PUS1: variants seen among roughly 807,000 people sequenced by gnomAD.
The protein encoded by PUS1 is pseudouridine synthase 1.
In PUS1, 25 loss-of-function variants were observed where a neutral mutation model predicts 38.5. The observed-to-expected ratio is 0.65, with a 90% confidence interval of 0.47 to 0.91. The LOEUF is 0.91. Ranked by LOEUF, PUS1 falls within the 40% of genes least tolerant of loss-of-function variation. The pLI is 0.00. For missense variants in PUS1, 597 were observed against 612.3 expected (o/e 0.97, Z 0.26); for synonymous variants, 282 against 260.4 (o/e 1.08, Z -0.80).
chr12:131,930,206 G>A, intron 2 of PUS1, 71 bp downstream of exon 2: 1 of 1,129,140 alleles, frequency 8.9e-7, no homozygotes, highest in Non-Finnish European at 1.2e-6. Context: ...GAAGCGGTGG[G>A]TCCGGCTGGG....
At chr12:131,930,208 C>T (rs1041251631) in intron 2 of PUS1, 73 bp downstream of exon 2, 6 of 1,127,092 alleles carry the variant, frequency 5.3e-6, no homozygotes, top group Non-Finnish European at 7.0e-6. Flanking sequence ...AGCGGTGGGT[C>T]CGGCTGGGTT....
In PUS1 at chr12:131,943,925, T is replaced by C. The variant is rs1283441305; in HGVS notation, c.*339T>C. On this transcript the variant is annotated 3_prime_UTR_variant, in exon 6 of 6. Transcript: ENST00000376649. ...TTCGTCCACAGAGATGAGCACAGCA[T>C]GGTGTCCCGTTGAGAACAGATACGG... The C allele has an allele frequency of 2.9e-6, 1 of 350,134 alleles. No individual in the cohort carries two copies. The highest frequency in any genetic ancestry group is 2.1e-5 in the African/African-American group (1 of 46,848). 21.7% of individuals were successfully genotyped at this position (350,134 alleles called of 1,614,324 possible).
At position 131,929,887 on chromosome 12, in the gene PUS1, C is replaced by T. The variant is rs557913555; in HGVS notation, c.75-20C>T. 4.3e-4 allele frequency: 627 copies of T among 1,463,666 alleles called. 3 individuals are homozygous for T. In the African/African-American group the frequency reaches 5.7e-3, roughly 13 times the overall value. The allele number at this position is 1,463,666 out of a possible 1,614,324, so 90.7% of individuals were successfully genotyped here. A position where few individuals can be genotyped will look rare whatever the true frequency, so the allele number is the denominator to read the frequency against. ...GCGCGGTGCCGAGCGGGCCCCCGCT[C>T]ACGCCGCCCTTCTCCGCAGCTCGCC... On this transcript the variant is annotated intron_variant, in intron 1 of 5. Transcript: ENST00000376649.
At chr12:131,932,523 G>A in intron 3 of PUS1, 2 of 611,834 alleles carry the variant, frequency 3.3e-6, no homozygotes, top group African/African-American at 1.8e-5. Flanking sequence ...GGGACTCTGT[G>A]TTCTCTCTGG....
chr12:131,943,514 T>G (rs763146666), intron 5 of PUS1, 25 bp from the exon 6 acceptor site: 2 of 1,606,588 alleles, frequency 1.2e-6, no homozygotes, highest in Non-Finnish European at 8.5e-7. Context: ...TTGCCTCTTA[T>G]TCTCCATGTG....
chr12:131,932,127 G>A (rs374471596), intron 2 of PUS1, 48 bp from the exon 3 acceptor site: 45 of 1,572,684 alleles, frequency 2.9e-5, no homozygotes, highest in Admixed American at 3.5e-5. Flanking sequence ...ACATCATGGC[G>A]ACCTCTGTCT....
At position 131,930,049 on chromosome 12, in the gene PUS1, G is replaced by A. The variant is rs753915002; in HGVS notation, c.217G>A (p.Gly73Ser). 6 of 1,448,984 alleles carry A rather than the reference G, an allele frequency of 4.1e-6. No homozygotes were observed. In the South Asian group the frequency reaches 9.1e-5, roughly 22 times the overall value. 89.8% of individuals were successfully genotyped at this position (1,448,984 alleles called of 1,614,324 possible). ...TCCGGCGAAGAAGCTCAAGAGCGGT[G>A]GCGACGAGGAGCGGCGCGAGAAGCC... The part of the protein sequence containing the change: ...EHPAKKLKSG[G>S]DEERREKPPK... Residue 73 changes from glycine to serine, a missense_variant, in exon 2 of 6, where the codon GGC becomes AGC. Gly to Ser is a moderately conservative substitution (Grantham distance 56). Transcript: ENST00000376649.
chr12:131,941,755 G>C lies in PUS1; in HGVS notation c.1008G>C (p.Glu336Asp). 1 of 1,613,992 alleles carries C rather than the reference G, an allele frequency of 6.2e-7. No homozygotes were observed. The highest frequency in any genetic ancestry group is 8.5e-7 in the Non-Finnish European group (1 of 1,179,874). Residue 336 changes from glutamate (E) to aspartate (D), a missense_variant, in exon 5 of 6, where the codon GAG becomes GAC. Glu to Asp is a conservative substitution (Grantham distance 45). Coordinates refer to ENST00000376649, the MANE Select transcript of PUS1 (RefSeq NM_025215.6). This position sits in a 1 kb window ranked among gnomAD's most constrained non-coding sequence, Gnocchi z 4.4. ...PKAPGLGLVL[E>D]RVHFEKYNQR... ...CGCCCGGACTCGGCCTGGTCCTGGA[G>C]AGGGTGCACTTCGAGAAGTACAACC...
chr12:131,932,338 C>G (rs1472076361), intron 3 of PUS1, 26 bp downstream of exon 3: 5 of 1,611,946 alleles, frequency 3.1e-6, no homozygotes, highest in Non-Finnish European at 4.2e-6. Context: ...CTCTGCCCCT[C>G]CCCCGCTGCT....
chr12:131,942,608 A>C (rs141940441), intron 5 of PUS1, among the ~76,000 whole-genome samples: 4 of 152,030 alleles, frequency 2.6e-5, no homozygotes, highest in Non-Finnish European at 5.9e-5. Flanking sequence ...GGGTTTCACC[A>C]TGTTAGCCAG....
rs1891176600 is a variant in PUS1 at position 131,943,471 on chromosome 12, C to T, written c.1237-68C>T. 23 of 1,353,280 alleles carry T rather than the reference C, an allele frequency of 1.7e-5. No individual in the cohort carries two copies. In the South Asian group the frequency reaches 2.5e-4, roughly 14 times the overall value. 83.8% of individuals were successfully genotyped at this position (1,353,280 alleles called of 1,614,324 possible). A position where few individuals can be genotyped will look rare whatever the true frequency, so the allele number is the denominator to read the frequency against. ...TCCTGTGCCAAGCCTGTCATGGGCC[C>T]CTGTGGGCATCCAGGAGCAGTGGAG... On this transcript the variant is annotated intron_variant, in intron 5 of 5. Coordinates refer to ENST00000376649, the MANE Select transcript of PUS1 (RefSeq NM_025215.6).
At chr12:131,935,565 ACTCTTGTTGC>A (rs1204087399) in intron 3 of PUS1, among the ~76,000 whole-genome samples, 2 of 151,742 alleles carry the variant, frequency 1.3e-5, no homozygotes, top group Non-Finnish European at 2.9e-5. Context: ...ACGGAGTTTC[ACTCTTGTTGC>A]CCAGGCTGGA....
chr12:131,931,872 G>T, intron 2 of PUS1: 3 of 596,112 alleles, frequency 5.0e-6, no homozygotes, highest in Non-Finnish European at 9.0e-6. Flanking sequence ...TAAAGTATAG[G>T]TAGCACCCAC....
At chr12:131,931,934 C>A (rs888602882) in intron 2 of PUS1, 27 of 624,120 alleles carry the variant, frequency 4.3e-5, no homozygotes, top group South Asian at 3.5e-4. Context: ...TGCACAGGTT[C>A]AATCAAACCT....
At position 131,932,183 on chromosome 12, in the gene PUS1, C is replaced by T. The variant is rs1208109020; in HGVS notation, c.312C>T (p.Val104=). 7 of 1,613,828 alleles carry T rather than the reference C, an allele frequency of 4.3e-6. No homozygotes were observed. Among genetic ancestry groups the T allele is most frequent in the South Asian group, 1.1e-5 (1 of 91,050 alleles). Residue 104 remains valine (V), a synonymous_variant, in exon 3 of 6, where the codon GTC becomes GTT. Transcript: ENST00000376649. ...TTGTCTCCTTTTTCCAGAGGAATGTCGGGTCCTCACAATTCAAAACAATTG... is the reference window on the plus strand; with the variant it reads ...TTGTCTCCTTTTTCCAGAGGAATGTTGGGTCCTCACAATTCAAAACAATTG... ...GKGYHGMQRN[V]GSSQFKTIED...
chr12:131,939,972 T>C (rs10902481), intron 4 of PUS1, among the ~76,000 whole-genome samples: 90,713 of 151,980 alleles, frequency 0.6, 30,475 homozygotes, highest in Non-Finnish European at 0.77. Context: ...CTCTGTTTTC[T>C]TTTCCTTTTT....
In PUS1 at chr12:131,943,553, G is replaced by A. The variant is rs1267403818; in HGVS notation, c.1251G>A (p.Leu417=). 3 of 1,613,606 alleles carry A rather than the reference G, an allele frequency of 1.9e-6. No individual in the cohort carries two copies. The highest frequency in any genetic ancestry group is 1.3e-5 in the African/African-American group (1 of 74,934). Residue 417 remains leucine, a synonymous_variant, in exon 6 of 6, where the codon CTG becomes CTA. Coordinates refer to ENST00000376649, the MANE Select transcript of PUS1 (RefSeq NM_025215.6). The part of the protein sequence containing the change: ...GGTGAKVPSP[L]EGSEGDGDTD Reference sequence around the variant, plus strand: ...TTCTTCTGCAGGTGCCCAGTCCCCTGGAAGGCAGTGAAGGGGACGGAGACA... The same window carrying A: ...TTCTTCTGCAGGTGCCCAGTCCCCTAGAAGGCAGTGAAGGGGACGGAGACA...
chr12:131,934,436 C>T (rs565668874), intron 3 of PUS1, among the ~76,000 whole-genome samples: 1 of 152,284 alleles, frequency 6.6e-6, no homozygotes, highest in African/African-American at 2.4e-5. Flanking sequence ...ACACCCTTGT[C>T]TTCTGGTCAC....
At chr12:131,931,201 C>T (rs553388419) in intron 2 of PUS1, among the ~76,000 whole-genome samples, 1 of 152,276 alleles carries the variant, frequency 6.6e-6, no homozygotes, top group Non-Finnish European at 1.5e-5. Flanking sequence ...CTCTGTCGCC[C>T]AGGCTGGAGT....
Sources: allele counts gnomAD v4.1 joint callset (sites outside exome capture counted in the v4.1 genomes callset), GRCh38; gene constraint gnomAD v4.1.1; non-coding constraint Gnocchi (gnomAD v3.1); transcripts MANE v1.5; gene names NCBI Gene and HGNC (gene_info 2026-07-23, HGNC 2026-07-21).